The following ARID4B variants were observed in gnomAD, a reference collection of about 807,000 sequenced individuals.
ARID4B encodes AT-rich interactive domain-containing protein 4B.
Under a neutral mutation model 147.5 loss-of-function variants are expected in ARID4B, and 26 were observed. The ratio of observed to expected loss-of-function variants is 0.18; its 90% CI spans 0.13 to 0.24. ARID4B has a LOEUF of 0.24. Among genes scored for constraint, ARID4B ranks in the 10% least tolerant of loss-of-function variants. ARID4B has a pLI of 1.00. For synonymous variants in ARID4B, 512 were observed against 507.9 expected, an observed-to-expected ratio of 1.01 and a Z score of -0.11; for missense variants, 1,179 against 1,511.5, an observed-to-expected ratio of 0.78 and a Z score of 3.65.
intron 2 of ARID4B, among the ~76,000 whole-genome samples, chr1:235,281,023 C>T (rs1420351788): frequency 1.3e-5 from 2 of 151,538 alleles, no homozygotes; most frequent in African/African-American, 2.4e-5. Context: ...AAAAAAAAAG[C>T]GGTTTCAAAT....
chr1:235,236,384 T>C (rs1379820386), intron 8 of ARID4B, among the ~76,000 whole-genome samples: 2 of 152,118 alleles, frequency 1.3e-5, no homozygotes, highest in Non-Finnish European at 2.9e-5. Flanking sequence ...TTCATTTTCG[T>C]CAAAGAAACT....
intron 19 of ARID4B, among the ~76,000 whole-genome samples, chr1:235,192,277 G>A (rs1665164880): frequency 6.6e-6 from 1 of 151,886 alleles, no homozygotes; most frequent in South Asian, 2.1e-4. Flanking sequence ...ATTCAATTCT[G>A]AAGAAAAGTA....
Position 235,229,022 on chromosome 1 carries a change from T to C in ARID4B, c.897+209A>G, listed in dbSNP as rs977443404. The C allele has an allele frequency of 4.3e-5, 23 of 535,884 alleles. No homozygotes were observed. In the African/African-American group the frequency reaches 4.5e-4, roughly 11 times the overall value. 33.2% of individuals were successfully genotyped at this position (535,884 alleles called of 1,614,324 possible). A position where few individuals can be genotyped will look rare whatever the true frequency, so the allele number is the denominator to read the frequency against. ...CATGTTTTTGAGGTTATTAGGAAAA[T>C]CAGGCTTAATATTTTCTATTTCACA... On this transcript the variant is annotated intron_variant, in intron 11 of 23. Coordinates refer to ENST00000264183, the MANE Select transcript of ARID4B (RefSeq NM_016374.6).
At chr1:235,222,730 T>C (rs78846082) in intron 13 of ARID4B, among the ~76,000 whole-genome samples, 5,874 of 147,474 alleles carry the variant, frequency 0.04, 437 homozygotes, top group African/African-American at 0.14. Flanking sequence ...CAGGCTGGAA[T>C]GCAGTCCAGC....
At chr1:235,221,741 G>GAGTAT (rs1667476832) in intron 13 of ARID4B, 79 bp from the exon 14 acceptor site, 2 of 630,066 alleles carry the variant, frequency 3.2e-6, no homozygotes, top group South Asian at 5.4e-5. Flanking sequence ...CAGTATATAT[G>GAGTAT]AGTATATTTT....
intron 2 of ARID4B, among the ~76,000 whole-genome samples, chr1:235,310,244 T>A (rs1673950095): frequency 1.6e-5 from 2 of 123,180 alleles, no homozygotes; most frequent in South Asian, 6.1e-4. Flanking sequence ...ACAAGTAAAT[T>A]CTAAATTTAA....
rs191607445 is a variant in ARID4B at position 235,172,953 on chromosome 1, C to T, written c.3665-189G>A. Among the ~76,000 whole-genome samples the T allele has an allele frequency of 2.0e-3, 312 of 152,242 alleles. 2 individuals are homozygous for T. The highest frequency in any genetic ancestry group is 7.2e-3 in the African/African-American group (301 of 41,534). ...CAATGCCTGGCACATAATAAATGCA[C>T]AGTATTTGTTGAATGAATATGTACA... On this transcript the variant is annotated intron_variant, in intron 22 of 23. Transcript: ENST00000264183.
intron 17 of ARID4B, among the ~76,000 whole-genome samples, chr1:235,213,108 A>G (rs1023225517): frequency 9.2e-5 from 14 of 152,212 alleles, no homozygotes; most frequent in Non-Finnish European, 1.3e-4. Flanking sequence ...AGCCAAAGAA[A>G]ATTTATCTAA....
rs145059779 is a variant in ARID4B, at chr1:235,224,265, C to T, written c.970+438G>A. Reference sequence around the variant, plus strand: ...CTAGAGAATAACAGTGTTGAGGTTACGGAAGGATTAGTTCATTACCCTAAG... The same window carrying T: ...CTAGAGAATAACAGTGTTGAGGTTATGGAAGGATTAGTTCATTACCCTAAG... On this transcript the variant is annotated intron_variant, in intron 12 of 23. Transcript: ENST00000264183. Among the ~76,000 whole-genome samples the T allele has an allele frequency of 3.9e-4, 60 of 152,264 alleles. 3 individuals are homozygous for T. The East Asian group carries it at 0.011, about 28-fold the overall frequency.
chr1:235,175,250 T>C lies in ARID4B; in HGVS notation c.3598A>G (p.Lys1200Glu). Residue 1200 changes from lysine (K) to glutamate (E), a missense_variant, in exon 22 of 24, where the codon AAG becomes GAG. By Grantham distance (56) the Lys-to-Glu change is moderately conservative. This residue lies in a region of ARID4B where 357 missense variants were observed against 427.3 expected (regional missense o/e 0.84). Coordinates refer to ENST00000264183, the MANE Select transcript of ARID4B (RefSeq NM_016374.6). The stretch of plus-strand genomic sequence containing the variant: ...CTGGGTTCCTTGAGATCAGGATCCT[T>C]ATCACCATTCTTTCCACATTTTCCT... ...SPGKCGKNGD[K>E]DPDLKEPSNR... The C allele has an allele frequency of 6.2e-7, 1 of 1,614,198 alleles. No individual in the cohort carries two copies. Among genetic ancestry groups the C allele is most frequent in the East Asian group, 2.2e-5 (1 of 44,882 alleles).
At chr1:235,195,488 G>A (rs1339656758) in intron 18 of ARID4B, among the ~76,000 whole-genome samples, 1 of 152,026 alleles carries the variant, frequency 6.6e-6, no homozygotes, top group Non-Finnish European at 1.5e-5. Context: ...AGCTACTCGG[G>A]AGGCTGAGGC....
chr1:235,176,807 T>G lies in ARID4B; in HGVS notation c.3448+993A>C, dbSNP rs962597714. The G allele has an allele frequency of 1.6e-4, 73 of 469,680 alleles. No individual in the cohort carries two copies. In the East Asian group the frequency reaches 5.0e-3, roughly 32 times the overall value. The allele number at this position is 469,680 out of a possible 1,614,324, so 29.1% of individuals were successfully genotyped here. ...GGGAGCTGGCCGAATAACCCTTTTC[T>G]GCACTGAAGTGCAGCCAAGCCGGCT... is the stretch of plus-strand genomic sequence containing the variant. On this transcript the variant is annotated intron_variant, in intron 21 of 23. Transcript: ENST00000264183.
intron 2 of ARID4B, among the ~76,000 whole-genome samples, chr1:235,276,283 A>G (rs571153599): frequency 3.3e-5 from 5 of 152,018 alleles, no homozygotes; most frequent in Admixed American, 3.3e-4. Context: ...AACTAACGCT[A>G]ATTAGTAGCA....
intron 19 of ARID4B, among the ~76,000 whole-genome samples, chr1:235,184,294 T>C (rs973989028): frequency 3.3e-5 from 5 of 152,168 alleles, no homozygotes; most frequent in Admixed American, 1.3e-4. Context: ...CTGGTTACTT[T>C]TGATACACTT....
chr1:235,184,821 A>AT (rs1244694794), intron 19 of ARID4B, among the ~76,000 whole-genome samples: 1 of 151,960 alleles, frequency 6.6e-6, no homozygotes, highest in Non-Finnish European at 1.5e-5. Context: ...TGTTTTATTT[A>AT]TTTTTTTGTG....
chr1:235,261,443 G>C (rs1318400462), intron 2 of ARID4B, among the ~76,000 whole-genome samples: 1 of 152,190 alleles, frequency 6.6e-6, no homozygotes, highest in African/African-American at 2.4e-5. Flanking sequence ...AGGAGTGCTT[G>C]AGCCCAAGAG....
intron 16 of ARID4B, among the ~76,000 whole-genome samples, chr1:235,216,502 C>G (rs562657811): frequency 2.6e-5 from 4 of 152,126 alleles, no homozygotes; most frequent in African/African-American, 7.2e-5. Context: ...CCACTACGCT[C>G]TGCTGATTTT....
At chr1:235,314,038 G>T (rs1434898810) in intron 2 of ARID4B, among the ~76,000 whole-genome samples, 3 of 152,086 alleles carry the variant, frequency 2.0e-5, no homozygotes, top group Non-Finnish European at 4.4e-5. Context: ...AATGTATTGA[G>T]AACTTACTAT....
chr1:235,224,863 GTTCATTAA>G (rs1667723531), intron 11 of ARID4B, 88 bp from the exon 12 acceptor site: 5 of 886,606 alleles, frequency 5.6e-6, no homozygotes, highest in Non-Finnish European at 8.8e-6. Flanking sequence ...AAAGACTAGT[GTTCATTAA>G]AATACTTCAA....
Sources: gnomAD v4.1 joint callset for allele counts (sites outside exome capture counted in the v4.1 genomes callset) on GRCh38, gnomAD v4.1.1 for gene constraint, gnomAD v4.1.1 regional missense constraint, MANE v1.5 for transcripts, NCBI Gene and HGNC (gene_info 2026-07-23, HGNC 2026-07-21) for gene names.